COL24A1: variants seen among roughly 807,000 people sequenced by gnomAD.
The protein encoded by COL24A1 is collagen type XXIV alpha 1 chain.
In COL24A1, 224 loss-of-function variants were observed where a neutral mutation model predicts 253.9. The observed-to-expected ratio is 0.88, with a 90% CI of 0.79 to 0.99. The LOEUF (loss-of-function observed/expected upper bound fraction) is 0.99, where lower values mean the gene tolerates loss of function less well. Ranked by LOEUF, COL24A1 falls within the 50% of genes least tolerant of loss-of-function variation. COL24A1 has a pLI of 0.00. For synonymous variants in COL24A1, 685 were observed against 673.7 expected (o/e 1.02, Z -0.26); for missense variants, 2,131 against 2,068.5 (o/e 1.03, Z -0.59).
chr1:85,786,086 G>T (rs145588577), intron 48 of COL24A1, among the ~76,000 whole-genome samples: 1 of 152,202 alleles, frequency 6.6e-6, no homozygotes, highest in African/African-American at 2.4e-5. Context: ...GAAGGAAAAA[G>T]AACAAAAATG....
At chr1:85,924,058 T>C (rs929980852) in intron 24 of COL24A1, among the ~76,000 whole-genome samples, 1 of 152,096 alleles carries the variant, frequency 6.6e-6, no homozygotes, top group Non-Finnish European at 1.5e-5. Flanking sequence ...GCAAATAAAC[T>C]AGAAAATCTA....
chr1:85,947,299 C>A (rs1689421042), intron 24 of COL24A1, among the ~76,000 whole-genome samples: 1 of 152,018 alleles, frequency 6.6e-6, no homozygotes, highest in Non-Finnish European at 1.5e-5. Context: ...TGCCATATGC[C>A]AGGAATGTGT....
chr1:86,040,819 T>C (rs973282184), intron 12 of COL24A1, among the ~76,000 whole-genome samples: 2 of 152,130 alleles, frequency 1.3e-5, no homozygotes, highest in Non-Finnish European at 2.9e-5. Flanking sequence ...CATAATGTTC[T>C]AGCTAGAGTT....
chr1:85,729,542 A>C lies in COL24A1; in HGVS notation c.*1004T>G, dbSNP rs1447468163. On this transcript the variant is annotated 3_prime_UTR_variant, in exon 60 of 60. Coordinates refer to ENST00000370571, the MANE Select transcript of COL24A1 (RefSeq NM_152890.7). ...ATACTACAAAACATATAATTTCTAC[A>C]AAGCAGAAATATAAAGGTTTTATAA... 6.6e-6 allele frequency: 1 copy of C among 152,570 alleles called. No homozygotes were observed. Among genetic ancestry groups the C allele is most frequent in the African/African-American group, 2.4e-5 (1 of 41,446 alleles). The allele number at this position is 152,570 out of a possible 1,614,324, so 9.5% of individuals were successfully genotyped here. A position where few individuals can be genotyped will look rare whatever the true frequency, so the allele number is the denominator to read the frequency against.
chr1:85,877,740 T>C (rs1314648799), intron 32 of COL24A1, among the ~76,000 whole-genome samples: 1 of 152,244 alleles, frequency 6.6e-6, no homozygotes, highest in Non-Finnish European at 1.5e-5. Context: ...TCTTTTATTC[T>C]TTAATGCACT....
chr1:86,091,208 C>G (rs899365877), intron 6 of COL24A1, among the ~76,000 whole-genome samples: 1 of 151,832 alleles, frequency 6.6e-6, no homozygotes, highest in African/African-American at 2.4e-5. Context: ...AATAAAATTA[C>G]TAAAATTTTA....
chr1:86,035,917 C>T (rs935381963), intron 12 of COL24A1, among the ~76,000 whole-genome samples: 6 of 152,024 alleles, frequency 3.9e-5, no homozygotes, highest in East Asian at 1.9e-4. Context: ...TTTTTCCCCA[C>T]CTAGGAGAGG....
At chr1:86,148,751 G>A (rs1020504423) in intron 1 of COL24A1, among the ~76,000 whole-genome samples, 3 of 152,028 alleles carry the variant, frequency 2.0e-5, no homozygotes, top group Non-Finnish European at 2.9e-5. Context: ...GTCTATCATT[G>A]TTGGACATTT....
intron 47 of COL24A1, among the ~76,000 whole-genome samples, chr1:85,807,306 A>G (rs1672077997): frequency 6.6e-6 from 1 of 152,206 alleles, no homozygotes. Context: ...CCCTCTAACC[A>G]CAGCCCCTGG....
chr1:85,953,443 T>C (rs906521160), intron 24 of COL24A1, among the ~76,000 whole-genome samples: 1 of 152,254 alleles, frequency 6.6e-6, no homozygotes, highest in African/African-American at 2.4e-5. Context: ...GAGTATCTTA[T>C]GAAAGAGGAC....
At chr1:86,075,478 G>A (rs1308735657) in intron 7 of COL24A1, among the ~76,000 whole-genome samples, 1 of 152,096 alleles carries the variant, frequency 6.6e-6, no homozygotes, top group African/African-American at 2.4e-5. Context: ...AGAGGAGCTG[G>A]TACCATTCCT....
chr1:86,146,058 T>C (rs1651832750), intron 2 of COL24A1, 61 bp downstream of exon 2: 2 of 1,345,446 alleles, frequency 1.5e-6, no homozygotes, highest in Non-Finnish European at 2.1e-6. Context: ...AGTTATGTAC[T>C]TTTGCTGTCT....
intron 18 of COL24A1, 134 bp downstream of exon 18, chr1:86,022,106 G>A (rs548323257): frequency 5.1e-6 from 4 of 787,386 alleles, no homozygotes; most frequent in Non-Finnish European, 6.5e-6. Flanking sequence ...ATACCTGAGG[G>A]ATTTGCTATA....
At chr1:86,050,715 T>C (rs565909063) in intron 10 of COL24A1, among the ~76,000 whole-genome samples, 3 of 152,270 alleles carry the variant, frequency 2.0e-5, no homozygotes, top group South Asian at 4.1e-4. Context: ...TCACATTTTA[T>C]ACATAATATA....
At chr1:85,787,289 T>C (rs911616520) in intron 47 of COL24A1, among the ~76,000 whole-genome samples, 2 of 152,062 alleles carry the variant, frequency 1.3e-5, no homozygotes, top group Non-Finnish European at 2.9e-5. Context: ...GGTGATTTGC[T>C]CCAGCTATCA....
At chr1:85,789,294 C>A (rs1670025757) in intron 47 of COL24A1, among the ~76,000 whole-genome samples, 2 of 151,952 alleles carry the variant, frequency 1.3e-5, no homozygotes, top group Admixed American at 1.3e-4. Flanking sequence ...TAGCTATATT[C>A]CTAGGTATTT....
chr1:86,126,459 A>G (rs1336000894), intron 2 of COL24A1, among the ~76,000 whole-genome samples: 1 of 151,886 alleles, frequency 6.6e-6, no homozygotes, highest in Non-Finnish European at 1.5e-5. Flanking sequence ...TAAACCCAAA[A>G]CTTATTTATT....
chr1:86,106,508 C>T (rs1704993985), intron 5 of COL24A1, among the ~76,000 whole-genome samples: 2 of 152,090 alleles, frequency 1.3e-5, no homozygotes, highest in South Asian at 4.1e-4. Flanking sequence ...CACAGATTGC[C>T]TGGACTGGAA....
chr1:85,746,436 T>C (rs1665224059), intron 55 of COL24A1, among the ~76,000 whole-genome samples: 7 of 152,288 alleles, frequency 4.6e-5, no homozygotes, highest in Admixed American at 2.6e-4. Context: ...GTGATATATA[T>C]TGAGGATAAA....
Sources: allele counts gnomAD v4.1 joint callset (sites outside exome capture counted in the v4.1 genomes callset), GRCh38; gene constraint gnomAD v4.1.1; transcripts MANE v1.5; gene names NCBI Gene and HGNC (gene_info 2026-07-23, HGNC 2026-07-21).